GRIK4: variants seen among roughly 807,000 people sequenced by gnomAD.
GRIK4 encodes glutamate receptor ionotropic, kainate 4.
GRIK4 carries 40 observed loss-of-function variants against 104.9 expected under a neutral mutation model. The ratio of observed to expected loss-of-function variants is 0.38; its 90% CI spans 0.30 to 0.50. GRIK4 has a LOEUF of 0.50. Ranked by LOEUF, GRIK4 falls within the 20% of genes least tolerant of loss-of-function variation. The pLI, the probability that GRIK4 is intolerant of heterozygous loss-of-function variation, is 0.93. For missense variants in GRIK4, 1,047 were observed against 1,308.1 expected (o/e 0.80, Z 3.08); for synonymous variants, 485 against 524.9 (o/e 0.92, Z 1.04).
intron 11 of GRIK4, chr11:120,894,394 A>G (rs1942509176): frequency 6.6e-6 from 1 of 152,336 alleles, no homozygotes; most frequent in African/African-American, 2.4e-5. Context: ...CTGGTTGTGC[A>G]ACACCCAAGG....
intron 1 of GRIK4, among the ~76,000 whole-genome samples, chr11:120,611,562 G>T (rs923415751): frequency 6.6e-5 from 10 of 152,172 alleles, no homozygotes; most frequent in Admixed American, 1.3e-4. Flanking sequence ...TTTCACGGCT[G>T]CAGCCTGCAC....
chr11:120,912,743 T>C (rs1295821298), intron 13 of GRIK4, among the ~76,000 whole-genome samples: 1 of 152,230 alleles, frequency 6.6e-6, no homozygotes, highest in African/African-American at 2.4e-5. Flanking sequence ...TAAGTCAAGA[T>C]GAAATCGCTT....
At chr11:120,875,461 G>A (rs115143671) in intron 11 of GRIK4, among the ~76,000 whole-genome samples, 206 of 152,300 alleles carry the variant, frequency 1.4e-3, no homozygotes, top group African/African-American at 4.9e-3. Flanking sequence ...CTAAGAAGGA[G>A]AGAACTGGGG....
chr11:120,538,792 A>G (rs570487187), intron 1 of GRIK4, among the ~76,000 whole-genome samples: 95 of 152,344 alleles, frequency 6.2e-4, no homozygotes, highest in African/African-American at 2.2e-3. Flanking sequence ...CATATTGACA[A>G]GGAAGTCTGT....
At position 120,975,244 on chromosome 11, in the gene GRIK4, T is replaced by G. The variant is rs549144944; in HGVS notation, c.2396-6862T>G. On this transcript the variant is annotated intron_variant, in intron 19 of 20. Coordinates refer to ENST00000527524, the MANE Select transcript of GRIK4 (RefSeq NM_014619.5). Reference sequence around the variant, plus strand: ...TGAGACATCTTAGCAAGAGTGGGGGTGAGTGATGGGAGTGGAGGGGGCCCC... The same window carrying G: ...TGAGACATCTTAGCAAGAGTGGGGGGGAGTGATGGGAGTGGAGGGGGCCCC... Among the ~76,000 whole-genome samples, 13 of 151,922 alleles carry G rather than the reference T, an allele frequency of 8.6e-5. No homozygotes were observed. In the East Asian group the frequency reaches 2.5e-3, roughly 29 times the overall value.
chr11:120,804,767 G>T (rs1952682335), intron 4 of GRIK4, among the ~76,000 whole-genome samples: 1 of 152,166 alleles, frequency 6.6e-6, no homozygotes, highest in African/African-American at 2.4e-5. Flanking sequence ...CATCCCCAAG[G>T]TCTGGCTCTG....
At chr11:120,792,113 A>G (rs1314260186) in intron 3 of GRIK4, among the ~76,000 whole-genome samples, 1 of 152,212 alleles carries the variant, frequency 6.6e-6, no homozygotes, top group Non-Finnish European at 1.5e-5. Context: ...GCACTTGCTC[A>G]GCCTCTGCGT....
chr11:120,665,303 A>G (rs1339962111), intron 3 of GRIK4, among the ~76,000 whole-genome samples: 1 of 152,126 alleles, frequency 6.6e-6, no homozygotes, highest in Non-Finnish European at 1.5e-5. Context: ...TTGATTTATG[A>G]AATTTTGATC....
chr11:120,700,881 T>C (rs1950541664), intron 3 of GRIK4, among the ~76,000 whole-genome samples: 1 of 152,176 alleles, frequency 6.6e-6, no homozygotes, highest in Admixed American at 6.5e-5. Context: ...ATGTGAGCCA[T>C]CGCAGCCGGC....
At chr11:120,530,832 A>G (rs1947916140) in intron 1 of GRIK4, among the ~76,000 whole-genome samples, 1 of 152,136 alleles carries the variant, frequency 6.6e-6, no homozygotes, top group African/African-American at 2.4e-5. Flanking sequence ...GCATTTTGGG[A>G]TGAGGAGAAC....
intron 6 of GRIK4, among the ~76,000 whole-genome samples, chr11:120,825,096 T>C (rs1953223910): frequency 2.0e-5 from 3 of 151,730 alleles, no homozygotes. Context: ...AGCTAACTTT[T>C]TGTATTTTTA....
chr11:120,911,001 C>T (rs112098347), intron 13 of GRIK4, among the ~76,000 whole-genome samples: 180 of 152,238 alleles, frequency 1.2e-3, no homozygotes, highest in African/African-American at 3.8e-3. Context: ...GGGGTAGATT[C>T]CATTTCAGCA....
chr11:120,607,113 G>A (rs1948972352), intron 1 of GRIK4, among the ~76,000 whole-genome samples: 1 of 152,234 alleles, frequency 6.6e-6, no homozygotes, highest in Non-Finnish European at 1.5e-5. Flanking sequence ...AAGGATGCCA[G>A]TTGGGAGGCT....
At chr11:120,748,863 C>T (rs141061023) in intron 3 of GRIK4, among the ~76,000 whole-genome samples, 6 of 152,286 alleles carry the variant, frequency 3.9e-5, no homozygotes, top group Admixed American at 1.3e-4. Flanking sequence ...TGCCCAAGAC[C>T]GTTAGGGAAA....
intron 1 of GRIK4, among the ~76,000 whole-genome samples, chr11:120,582,467 C>T (rs539024273): frequency 2.6e-5 from 4 of 152,078 alleles, no homozygotes; most frequent in Admixed American, 2.0e-4. Flanking sequence ...CCTCTCACCC[C>T]CTGCCCTCGA....
intron 1 of GRIK4, among the ~76,000 whole-genome samples, chr11:120,634,612 C>T (rs1377368898): frequency 6.7e-6 from 1 of 148,220 alleles, no homozygotes; most frequent in African/African-American, 2.4e-5. Flanking sequence ...CTCTAGGGAC[C>T]CACTCGGAAT....
intron 1 of GRIK4, among the ~76,000 whole-genome samples, chr11:120,606,694 T>C (rs931854117): frequency 6.6e-6 from 1 of 152,162 alleles, no homozygotes; most frequent in Admixed American, 6.5e-5. Context: ...CGTTAGGAGC[T>C]GTGAGCATGG....
chr11:120,521,969 A>G (rs1268482641), intron 1 of GRIK4, among the ~76,000 whole-genome samples: 1 of 152,088 alleles, frequency 6.6e-6, no homozygotes, highest in African/African-American at 2.4e-5. Flanking sequence ...GCACTGTTCT[A>G]GATGCTTTGT....
intron 1 of GRIK4, among the ~76,000 whole-genome samples, chr11:120,653,233 G>A (rs570711959): frequency 1.3e-5 from 2 of 152,366 alleles, no homozygotes; most frequent in East Asian, 1.9e-4. Flanking sequence ...CATGGAACCA[G>A]GGGGCCAGTC....
Sources: allele counts gnomAD v4.1 joint callset (sites outside exome capture counted in the v4.1 genomes callset), GRCh38; gene constraint gnomAD v4.1.1; transcripts MANE v1.5; gene names NCBI Gene and HGNC (gene_info 2026-07-23, HGNC 2026-07-21).